Variants in SYNE2 observed in about 807,000 individuals in gnomAD.
SYNE2 encodes spectrin repeat containing nuclear envelope protein 2.
Under a neutral mutation model 856.3 loss-of-function variants are expected in SYNE2, and 431 were observed. The ratio of observed to expected loss-of-function variants is 0.50; its 90% CI spans 0.47 to 0.55. The LOEUF (loss-of-function observed/expected upper bound fraction) is 0.55. SYNE2 is among the 20% of genes least tolerant of loss of function. The probability of loss-of-function intolerance (pLI) is 0.00; values close to 1 mark genes in which losing one functional copy is unlikely to be tolerated. For synonymous variants in SYNE2, 2,923 were observed against 2,872.3 expected, an observed-to-expected ratio of 1.02 and a Z score of -0.56; for missense variants, 8,129 against 8,023.2, an observed-to-expected ratio of 1.01 and a Z score of -0.50.
intron 3 of SYNE2, among the ~76,000 whole-genome samples, 161 bp from the exon 4 acceptor site, chr14:63,941,534 A>T (rs1378554391): frequency 6.6e-6 from 1 of 152,230 alleles, no homozygotes; most frequent in Non-Finnish European, 1.5e-5. Context: ...TACTTTTCTT[A>T]CGTTTTGATA....
intron 1 of SYNE2, among the ~76,000 whole-genome samples, chr14:63,845,416 C>CA (rs34474637): frequency 2.7e-3 from 310 of 113,208 alleles, no homozygotes; most frequent in South Asian, 0.019. Flanking sequence ...AACTCTGTCT[C>CA]AAAAAAAAAA....
intron 92 of SYNE2, 38 bp downstream of exon 92, chr14:64,167,677 C>T: frequency 6.2e-7 from 1 of 1,613,792 alleles, no homozygotes; most frequent in African/African-American, 1.3e-5. Context: ...AACCGCTCAT[C>T]TGGGGCAGGA....
At chr14:64,155,268 A>G (rs1334080070) in intron 85 of SYNE2, among the ~76,000 whole-genome samples, 1 of 148,180 alleles carries the variant, frequency 6.7e-6, no homozygotes. Flanking sequence ...TCCATACAAA[A>G]GGAATGAAGT....
At chr14:63,994,600 A>G (rs1267687060) in intron 22 of SYNE2, among the ~76,000 whole-genome samples, 1 of 152,136 alleles carries the variant, frequency 6.6e-6, no homozygotes, top group Non-Finnish European at 1.5e-5. Flanking sequence ...TTAATACATT[A>G]TTTTTTCTAG....
intron 1 of SYNE2, among the ~76,000 whole-genome samples, chr14:63,797,358 TC>T (rs1887959305): frequency 6.6e-6 from 1 of 151,414 alleles, no homozygotes; most frequent in Non-Finnish European, 1.5e-5. Context: ...ACCACTGCAC[TC>T]CAGCTTGGGT....
At chr14:64,130,657 G>A (rs186371609) in intron 76 of SYNE2, among the ~76,000 whole-genome samples, 25 of 152,258 alleles carry the variant, frequency 1.6e-4, no homozygotes, top group African/African-American at 3.4e-4. Flanking sequence ...GGCTGAGGCG[G>A]GTGGATCACC....
rs1212070796 is a variant in SYNE2 at position 64,152,590 on chromosome 14, A to G, written c.15666A>G (p.Lys5222=). ...CQDIENQLAI[K]SKALDELKQS... Reference sequence around the variant, plus strand: ...ATATAGAAAATCAACTTGCAATTAAATCCAAAGCACTAGATGAGTTGAAAC... The same window carrying G: ...ATATAGAAAATCAACTTGCAATTAAGTCCAAAGCACTAGATGAGTTGAAAC... The change falls in exon 85 of 116, where the codon AAA becomes AAG. Residue 5222 remains lysine, a synonymous_variant. Coordinates refer to ENST00000555002, the MANE Select transcript of SYNE2 (RefSeq NM_182914.3). 1 of 1,614,000 alleles carries G rather than the reference A, an allele frequency of 6.2e-7. No individual in the cohort carries two copies. Among genetic ancestry groups the G allele is most frequent in the Non-Finnish European group, 8.5e-7 (1 of 1,179,998 alleles).
chr14:63,879,402 C>T (rs1264963794), intron 1 of SYNE2, among the ~76,000 whole-genome samples: 1 of 152,174 alleles, frequency 6.6e-6, no homozygotes, highest in East Asian at 1.9e-4. Context: ...AGGCAGAGAT[C>T]CAGGAGGCCA....
chr14:64,164,130 T>TTTATTTA (rs1443642210), intron 89 of SYNE2, among the ~76,000 whole-genome samples: 6 of 109,102 alleles, frequency 5.5e-5, no homozygotes, highest in Admixed American at 1.8e-4. Flanking sequence ...TTATTTATTT[T>TTTATTTA]GAGATGTCTC....
rs17101704 is a variant in SYNE2, at chr14:64,167,349, A to G, written c.16722A>G (p.Gln5574=). ...AVKTLQNMNR[Q]WIRATATALE... is the part of the protein sequence containing the mutation. ...AGACGTTACAAAATATGAACCGGCA[A>G]TGGATTCGGGCCACGGCCACGGCAC... Residue 5574 remains glutamine (Q), a synonymous_variant, in exon 91 of 116, where the codon CAA becomes CAG. Transcript: ENST00000555002. 0.039 allele frequency: 62,224 copies of G among 1,614,220 alleles called. 1,394 individuals carry two copies. Among genetic ancestry groups the G allele is most frequent in the African/African-American group, 0.071 (5,309 of 75,056 alleles).
At chr14:64,154,525 G>A (rs1219146447) in intron 85 of SYNE2, among the ~76,000 whole-genome samples, 1 of 152,110 alleles carries the variant, frequency 6.6e-6, no homozygotes, top group Admixed American at 6.5e-5. Flanking sequence ...AGGCTCAGTG[G>A]CTCACGCCTG....
intron 19 of SYNE2, among the ~76,000 whole-genome samples, 187 bp downstream of exon 19, chr14:63,986,804 A>T (rs1447229214): frequency 6.6e-6 from 1 of 152,190 alleles, no homozygotes; most frequent in East Asian, 1.9e-4. Context: ...CAGAGGATAG[A>T]TTAGGAGACC....
intron 1 of SYNE2, among the ~76,000 whole-genome samples, chr14:63,829,821 G>T (rs12891915): frequency 1.3e-5 from 2 of 151,908 alleles, no homozygotes; most frequent in East Asian, 1.9e-4. Flanking sequence ...GTCTCACTTT[G>T]TTCCCCAGGC....
chr14:64,030,117 C>A (rs1158044934), intron 44 of SYNE2, 58 bp downstream of exon 44: 10 of 1,537,356 alleles, frequency 6.5e-6, no homozygotes, highest in Non-Finnish European at 9.0e-6. Context: ...GTGTTAATTA[C>A]AGTGTGATTA....
intron 90 of SYNE2, among the ~76,000 whole-genome samples, chr14:64,166,620 G>A (rs1373709660): frequency 1.3e-5 from 2 of 152,124 alleles, no homozygotes; most frequent in Non-Finnish European, 2.9e-5. Flanking sequence ...AGACTAAATG[G>A]GACTTAAAAG....
intron 1 of SYNE2, among the ~76,000 whole-genome samples, chr14:63,860,328 C>T (rs528940187): frequency 9.8e-5 from 15 of 152,324 alleles, no homozygotes; most frequent in Admixed American, 2.6e-4. Context: ...CTTTTCTTTC[C>T]TCTGGGCTGC....
intron 65 of SYNE2, among the ~76,000 whole-genome samples, chr14:64,111,290 G>GATTA (rs34443434): frequency 0.13 from 17,023 of 133,014 alleles, 1,446 homozygotes; most frequent in African/African-American, 0.31. Context: ...TGTGATTACA[G>GATTA]ATTAATATTA....
At chr14:64,038,090 C>T (rs192145236) in intron 45 of SYNE2, among the ~76,000 whole-genome samples, 37 of 150,692 alleles carry the variant, frequency 2.5e-4, no homozygotes, top group South Asian at 1.7e-3. Flanking sequence ...TCAGACGGGG[C>T]GGCCGGGCAG....
chr14:64,042,849 G>A (rs185635577), intron 45 of SYNE2, among the ~76,000 whole-genome samples: 39 of 152,270 alleles, frequency 2.6e-4, no homozygotes, highest in Admixed American at 2.0e-3. Flanking sequence ...GTAAAGTGGG[G>A]CATTGCTGAA....
Sources: gnomAD v4.1 joint callset for allele counts (sites outside exome capture counted in the v4.1 genomes callset) on GRCh38, gnomAD v4.1.1 for gene constraint, MANE v1.5 for transcripts, NCBI Gene and HGNC (gene_info 2026-07-23, HGNC 2026-07-21) for gene names.